The following PPP2R5A variants were observed in gnomAD, a reference collection of about 807,000 sequenced individuals.
PPP2R5A encodes serine/threonine-protein phosphatase 2A 56 kDa regulatory subunit alpha isoform.
A neutral mutation model predicts 64.2 loss-of-function variants in PPP2R5A; 25 were observed. The ratio of observed to expected loss-of-function variants is 0.39; its 90% CI spans 0.28 to 0.54. The LOEUF is 0.54. Among genes scored for constraint, PPP2R5A ranks in the 20% least tolerant of loss-of-function variants. The pLI is 0.67. For missense variants in PPP2R5A, 425 were observed against 576.3 expected (o/e 0.74, Z 2.69); for synonymous variants, 198 against 201.2 (o/e 0.98, Z 0.13).
intron 1 of PPP2R5A, among the ~76,000 whole-genome samples, chr1:212,306,363 G>GT (rs1440328950): frequency 1.3e-5 from 2 of 150,770 alleles, no homozygotes; most frequent in Non-Finnish European, 3.0e-5. Context: ...AATGGAGGGG[G>GT]GGTAACTACG....
rs75803322 is a variant in PPP2R5A at position 212,289,521 on chromosome 1, C to G, written c.181+3230C>G. Among the ~76,000 whole-genome samples, 560 of 152,066 alleles carry G rather than the reference C, an allele frequency of 3.7e-3. 8 individuals carry two copies. The highest frequency in any genetic ancestry group is 0.013 in the African/African-American group (531 of 41,530). ...AGGTCAAATGATTTCAGTATTTGTG[C>G]TGTTAACTGTTTTATGTAAATTTGA... On this transcript the variant is annotated intron_variant, in intron 1 of 12. Coordinates refer to ENST00000261461, the MANE Select transcript of PPP2R5A (RefSeq NM_006243.4).
Position 212,349,235 on chromosome 1 carries a change from C to A in PPP2R5A, c.920C>A (p.Thr307Lys). 1 of 1,570,820 alleles carries A rather than the reference C, an allele frequency of 6.4e-7. No individual in the cohort carries two copies. The highest frequency in any genetic ancestry group is 8.7e-7 in the Non-Finnish European group (1 of 1,149,860). Residue 307 changes from threonine to lysine, a missense_variant, in exon 8 of 13, where the codon ACA becomes AAA. Physicochemically the swap from Thr to Lys is moderately conservative, Grantham distance 78. Transcript: ENST00000261461. ...TTCCTGGAGAAAGATACAACACTAA[C>A]AGAGCCAGTAAGTGTTCTATTTATT... is the stretch of plus-strand genomic sequence containing the variant. Reference protein sequence around the residue: ...VQFLEKDTTLTEPVIRGLLKF... With the variant: ...VQFLEKDTTLKEPVIRGLLKF...
chr1:212,287,677 G>A (rs1358199276), intron 1 of PPP2R5A, among the ~76,000 whole-genome samples: 3 of 150,630 alleles, frequency 2.0e-5, no homozygotes, highest in Non-Finnish European at 3.0e-5. Context: ...TAGCAAAATG[G>A]TAGACTATAA....
intron 3 of PPP2R5A, 135 bp from the exon 4 acceptor site, chr1:212,342,053 T>C (rs1187413235): frequency 1.5e-6 from 2 of 1,309,170 alleles, no homozygotes; most frequent in Non-Finnish European, 2.0e-6. Context: ...TTTTATCAAC[T>C]CATTACATTT....
intron 1 of PPP2R5A, chr1:212,319,392 A>T (rs1659218109): frequency 6.6e-6 from 1 of 152,234 alleles, no homozygotes; most frequent in Admixed American, 6.5e-5. Flanking sequence ...ATGCCAGGTG[A>T]GCAAGTTGTC....
Position 212,330,250 on chromosome 1 carries a change from G to A in PPP2R5A, c.378+919G>A, listed in dbSNP as rs555748696. 1.6e-4 allele frequency among the ~76,000 whole-genome samples: 24 copies of A among 152,148 alleles called. 1 individual carries two copies. In the South Asian group the frequency reaches 4.8e-3, roughly 30 times the overall value. On this transcript the variant is annotated intron_variant, in intron 2 of 12. Coordinates refer to ENST00000261461, the MANE Select transcript of PPP2R5A (RefSeq NM_006243.4). ...ACAAAATATAAAAATTCAGGCCAGT[G>A]CAGTGGCTCGCTTATGCTTGTAAAC...
At chr1:212,297,096 CTTTTTTTTTTTTTTTTTTTT>C (rs869112186) in intron 1 of PPP2R5A, among the ~76,000 whole-genome samples, 21 of 82,670 alleles carry the variant, frequency 2.5e-4, no homozygotes, top group South Asian at 2.0e-3. Flanking sequence ...TTTGCTTCTT[CTTTTTTTTTTTTTTTTTTTT>C]TTTTTTTTTT....
intron 1 of PPP2R5A, among the ~76,000 whole-genome samples, chr1:212,294,344 G>T (rs891531968): frequency 3.3e-5 from 5 of 151,898 alleles, no homozygotes; most frequent in African/African-American, 1.2e-4. Flanking sequence ...AGCAAAACTG[G>T]GTAGATTTTT....
chr1:212,313,307 G>A (rs1225327839), intron 1 of PPP2R5A, among the ~76,000 whole-genome samples: 1 of 152,178 alleles, frequency 6.6e-6, no homozygotes, highest in African/African-American at 2.4e-5. Context: ...TCTGGAAGAA[G>A]TCTTGCCCAC....
At chr1:212,297,407 C>A (rs2102412682) in intron 1 of PPP2R5A, 1 of 152,128 alleles carries the variant, frequency 6.6e-6, no homozygotes, top group Middle Eastern at 3.4e-3. Flanking sequence ...AGCCACCATG[C>A]CCAGCCAATA....
Position 212,288,373 on chromosome 1 carries a change from A to G in PPP2R5A, c.181+2082A>G, listed in dbSNP as rs191500380. Among the ~76,000 whole-genome samples the G allele has an allele frequency of 1.1e-4, 16 of 152,334 alleles. No homozygotes were observed. The East Asian group carries it at 3.1e-3, about 29-fold the overall frequency. On this transcript the variant is annotated intron_variant, in intron 1 of 12. Transcript: ENST00000261461. ...CATAGAGTCAGTAATCATCTAAGTTATATGATGTAGGGTTCAACAAGTTGA... is the reference window on the plus strand; with the variant it reads ...CATAGAGTCAGTAATCATCTAAGTTGTATGATGTAGGGTTCAACAAGTTGA...
intron 8 of PPP2R5A, among the ~76,000 whole-genome samples, chr1:212,355,648 G>T (rs971198926): frequency 6.6e-6 from 1 of 150,746 alleles, no homozygotes; most frequent in South Asian, 2.1e-4. Flanking sequence ...CAAATGACTT[G>T]AAAATCTTTT....
chr1:212,325,442 C>T (rs1190383200), intron 1 of PPP2R5A, among the ~76,000 whole-genome samples: 1 of 152,076 alleles, frequency 6.6e-6, no homozygotes, highest in Non-Finnish European at 1.5e-5. Context: ...GGGCTGGTTT[C>T]ATTCACATTG....
intron 1 of PPP2R5A, among the ~76,000 whole-genome samples, chr1:212,317,253 G>A (rs1050000174): frequency 2.0e-5 from 3 of 152,032 alleles, no homozygotes; most frequent in Non-Finnish European, 4.4e-5. Flanking sequence ...TTGGTGGGGG[G>A]TCTACTCTCA....
intron 12 of PPP2R5A, 101 bp from the exon 13 acceptor site, chr1:212,360,537 A>T: frequency 3.8e-6 from 4 of 1,049,734 alleles, no homozygotes; most frequent in Non-Finnish European, 5.4e-6. Context: ...GATTTAAGTG[A>T]AATGTGGGTA....
At chr1:212,291,826 G>A (rs113062580) in intron 1 of PPP2R5A, among the ~76,000 whole-genome samples, 3,740 of 152,290 alleles carry the variant, frequency 0.025, 64 homozygotes, top group Non-Finnish European at 0.038. Flanking sequence ...ATTTGATGTA[G>A]GGTGGTCAGT....
intron 1 of PPP2R5A, among the ~76,000 whole-genome samples, chr1:212,295,159 C>T (rs535334884): frequency 1.3e-5 from 2 of 152,120 alleles, no homozygotes; most frequent in Non-Finnish European, 1.5e-5. Flanking sequence ...ACATGAAGAA[C>T]GTATTGGGAA....
rs1660043997 is a variant in PPP2R5A, at chr1:212,359,520, TTC to T, written c.1328+736_1328+737del. Among the ~76,000 whole-genome samples the T allele has an allele frequency of 7.2e-5, 11 of 152,358 alleles. No individual in the cohort carries two copies. In the South Asian group the frequency reaches 2.3e-3, roughly 32 times the overall value. On this transcript the variant is annotated intron_variant, in intron 12 of 12. Transcript: ENST00000261461. Reference sequence around the variant, plus strand: ...AAATAATCTTTCAAGAGTTACTTTCTTCTCATATGTTTATTTCAAACTCAAGA... The same window carrying T: ...AAATAATCTTTCAAGAGTTACTTTCTTCATATGTTTATTTCAAACTCAAGA...
chr1:212,344,117 G>A (rs911305345), intron 4 of PPP2R5A, among the ~76,000 whole-genome samples: 4 of 152,142 alleles, frequency 2.6e-5, no homozygotes, highest in East Asian at 1.9e-4. Context: ...GACTGCAAAT[G>A]TGCCGACATG....
Sources: gnomAD v4.1 joint callset for allele counts (sites outside exome capture counted in the v4.1 genomes callset) on GRCh38, gnomAD v4.1.1 for gene constraint, MANE v1.5 for transcripts, NCBI Gene and HGNC (gene_info 2026-07-23, HGNC 2026-07-21) for gene names.